Variants in ARMC1 observed in about 807,000 individuals in gnomAD.
The protein encoded by ARMC1 is armadillo repeat containing 1.
Under a neutral mutation model 31.4 loss-of-function variants are expected in ARMC1, and 16 were observed. The observed-to-expected ratio is 0.51, with a 90% confidence interval of 0.34 to 0.77. The LOEUF (loss-of-function observed/expected upper bound fraction) is 0.77. Ranked by LOEUF, ARMC1 falls within the 30% of genes least tolerant of loss-of-function variation. The pLI is 0.01. For missense variants in ARMC1, 259 were observed against 347.5 expected, an observed-to-expected ratio of 0.75 and a Z score of 2.02; for synonymous variants, 114 against 118.9, an observed-to-expected ratio of 0.96 and a Z score of 0.27.
At chr8:65,620,823 C>T (rs1377373852) in intron 3 of ARMC1, among the ~76,000 whole-genome samples, 6 of 101,548 alleles carry the variant, frequency 5.9e-5, no homozygotes, top group Non-Finnish European at 1.4e-4. Flanking sequence ...ACTATCTGGG[C>T]AGGATGTGAT....
chr8:65,632,809 G>A (rs1009915835), intron 1 of ARMC1: 5 of 133,644 alleles, frequency 3.7e-5, no homozygotes, highest in African/African-American at 1.5e-4. Flanking sequence ...CTGAGCGACA[G>A]AGCGATACTC....
At chr8:65,632,049 T>C (rs566573244) in intron 1 of ARMC1, among the ~76,000 whole-genome samples, 42 of 152,328 alleles carry the variant, frequency 2.8e-4, no homozygotes, top group African/African-American at 9.4e-4. Context: ...CCAGGCTGGA[T>C]GGCAGTGGCA....
chr8:65,630,070 G>A (rs933152044), intron 1 of ARMC1, among the ~76,000 whole-genome samples: 3 of 151,850 alleles, frequency 2.0e-5, no homozygotes, highest in Admixed American at 6.6e-5. Flanking sequence ...GCTTGAACTC[G>A]GGAGGTGGAG....
intron 4 of ARMC1, among the ~76,000 whole-genome samples, chr8:65,609,818 A>G (rs1808084550): frequency 6.9e-6 from 1 of 145,968 alleles, no homozygotes; most frequent in Non-Finnish European, 1.5e-5. Context: ...AGATCACGAC[A>G]CTGCACTCCA....
chr8:65,624,481 A>G (rs1303572495), intron 2 of ARMC1, among the ~76,000 whole-genome samples: 9 of 104,620 alleles, frequency 8.6e-5, no homozygotes, highest in Middle Eastern at 5.4e-3. Context: ...CCTAGGTGAC[A>G]GAGCAAGACT....
intron 1 of ARMC1, among the ~76,000 whole-genome samples, chr8:65,628,367 C>G (rs1023540432): frequency 1.3e-5 from 2 of 149,636 alleles, no homozygotes; most frequent in African/African-American, 4.9e-5. Context: ...TCTCCTGCCT[C>G]AGCCTCCTAG....
At chr8:65,608,172 A>G (rs1035113893) in intron 4 of ARMC1, among the ~76,000 whole-genome samples, 2 of 152,240 alleles carry the variant, frequency 1.3e-5, no homozygotes, top group Non-Finnish European at 2.9e-5. Context: ...ATGTTAAATC[A>G]TATTTACAAC....
intron 2 of ARMC1, among the ~76,000 whole-genome samples, chr8:65,624,841 C>T (rs1808481513): frequency 6.6e-6 from 1 of 152,140 alleles, no homozygotes; most frequent in Admixed American, 6.5e-5. Flanking sequence ...CACCCAATGG[C>T]CAGGCATGGT....
In ARMC1 at chr8:65,632,946, G is replaced by A. The variant is rs1310411451; in HGVS notation, c.-36+1052C>T. On this transcript the variant is annotated intron_variant, in intron 1 of 6. Coordinates refer to ENST00000276569, the MANE Select transcript of ARMC1 (RefSeq NM_018120.6). ...AACTTGGACAAACAAATCATTCTAT[G>A]ACAAAGAATACTTCTCATCGTTTAA... 5 of 152,318 alleles carry A rather than the reference G, an allele frequency of 3.3e-5. No individual in the cohort carries two copies. The East Asian group carries it at 7.7e-4, about 24-fold the overall frequency. 9.4% of individuals were successfully genotyped at this position (152,318 alleles called of 1,614,324 possible).
intron 4 of ARMC1, among the ~76,000 whole-genome samples, chr8:65,612,997 A>C (rs959263974): frequency 2.0e-5 from 3 of 152,208 alleles, no homozygotes; most frequent in African/African-American, 7.2e-5. Flanking sequence ...AAAATCTCTA[A>C]CTGTGGATTT....
chr8:65,606,031 G>A (rs893836089), intron 4 of ARMC1, among the ~76,000 whole-genome samples: 3 of 152,110 alleles, frequency 2.0e-5, no homozygotes, highest in Non-Finnish European at 4.4e-5. Flanking sequence ...GACCATCATG[G>A]TCTACAAAGC....
intron 1 of ARMC1, among the ~76,000 whole-genome samples, chr8:65,628,195 C>T (rs1330646958): frequency 2.0e-5 from 3 of 152,174 alleles, no homozygotes; most frequent in Admixed American, 1.3e-4. Context: ...ATATTATTTA[C>T]TATTTCCTAA....
At chr8:65,613,560 G>A (rs975332092) in intron 3 of ARMC1, 127 bp from the exon 4 acceptor site, 2 of 535,156 alleles carry the variant, frequency 3.7e-6, no homozygotes, top group Non-Finnish European at 6.4e-6. Context: ...CAATAGCAGT[G>A]AATCCTAGAA....
chr8:65,612,586 G>A (rs971028431), intron 4 of ARMC1, among the ~76,000 whole-genome samples: 20 of 152,102 alleles, frequency 1.3e-4, no homozygotes, highest in Non-Finnish European at 2.8e-4. Context: ...GCTTTGGGCC[G>A]GGCATGGTGG....
At chr8:65,612,737 T>A (rs1808168388) in intron 4 of ARMC1, among the ~76,000 whole-genome samples, 1 of 150,898 alleles carries the variant, frequency 6.6e-6, no homozygotes, top group South Asian at 2.1e-4. Context: ...TGGTGCACAC[T>A]CGTAATTCCA....
In ARMC1 at chr8:65,605,500, A is replaced by C; in HGVS notation, c.504T>G (p.Ile168Met). Residue 168 changes from isoleucine to methionine, a missense_variant, in exon 5 of 7, where the codon ATT becomes ATG. Around this residue, in one of 3 missense-constraint regions of ARMC1, gnomAD observed 23 missense variants for 60.8 expected, o/e 0.38. Coordinates refer to ENST00000276569, the MANE Select transcript of ARMC1 (RefSeq NM_018120.6). Reference sequence around the variant, plus strand: ...GAAAAGTAAAGCTAATAACACCTTTAATTTTTAACAAAGCCTCTTCACATA... The same window carrying C: ...GAAAAGTAAAGCTAATAACACCTTTCATTTTTAACAAAGCCTCTTCACATA... ...RNLCEEALLK[I>M]KGVISFTFQM... is the part of the protein sequence containing the mutation. 16 of 1,614,030 alleles carry C rather than the reference A, an allele frequency of 9.9e-6. No homozygotes were observed. Among genetic ancestry groups the C allele is most frequent in the Non-Finnish European group, 1.4e-5 (16 of 1,179,890 alleles).
At chr8:65,622,721 A>AAAAAT (rs1172761292) in intron 2 of ARMC1, among the ~76,000 whole-genome samples, 42 of 151,694 alleles carry the variant, frequency 2.8e-4, no homozygotes, top group African/African-American at 9.7e-4. Flanking sequence ...AAAAGAAAAA[A>AAAAAT]AAAAGGTGGC....
chr8:65,618,514 T>A, intron 3 of ARMC1, among the ~76,000 whole-genome samples: 1 of 101,636 alleles, frequency 9.8e-6, no homozygotes. Context: ...AGGGTGAGAC[T>A]CAGTCTCAAA....
rs1808518471 is a variant in ARMC1 at position 65,626,724 on chromosome 8, A to G, written c.183+492T>C. Among the ~76,000 whole-genome samples, 3 of 152,256 alleles carry G rather than the reference A, an allele frequency of 2.0e-5. No homozygotes were observed. The South Asian group carries it at 6.2e-4, about 32-fold the overall frequency. On this transcript the variant is annotated intron_variant, in intron 2 of 6. Coordinates refer to ENST00000276569, the MANE Select transcript of ARMC1 (RefSeq NM_018120.6). ...CATGGAGTATGCAACAATTTGTATA[A>G]AAGAATAAAAACAAGGCTGGCCATG... is the stretch of plus-strand genomic sequence containing the variant.
Sources: gnomAD v4.1 joint callset for allele counts (sites outside exome capture counted in the v4.1 genomes callset) on GRCh38, gnomAD v4.1.1 for gene constraint, gnomAD v4.1.1 regional missense constraint, MANE v1.5 for transcripts, NCBI Gene and HGNC (gene_info 2026-07-23, HGNC 2026-07-21) for gene names.